The following PTPRR variants were observed in gnomAD, a reference collection of about 807,000 sequenced individuals.
The protein encoded by PTPRR is protein tyrosine phosphatase receptor type R.
Under a neutral mutation model 77.2 loss-of-function variants are expected in PTPRR, and 38 were observed. The ratio of observed to expected loss-of-function variants is 0.49; its 90% CI spans 0.38 to 0.65. The LOEUF (loss-of-function observed/expected upper bound fraction) is 0.65. PTPRR is among the 30% of genes least tolerant of loss of function. The pLI is 0.00. For synonymous variants in PTPRR, 299 were observed against 283.1 expected (o/e 1.06, Z -0.57); for missense variants, 744 against 799.2 (o/e 0.93, Z 0.83).
chr12:70,848,751 A>G (rs1381665942), intron 2 of PTPRR, among the ~76,000 whole-genome samples: 1 of 152,230 alleles, frequency 6.6e-6, no homozygotes. Context: ...ATCATTCACA[A>G]TTTAGATGAC....
chr12:70,899,820 GAC>G (rs1893500482), intron 1 of PTPRR, among the ~76,000 whole-genome samples: 1 of 151,348 alleles, frequency 6.6e-6, no homozygotes, highest in Non-Finnish European at 1.5e-5. Context: ...TCCTAGAACT[GAC>G]AGGTCAGTTT....
At chr12:70,830,628 A>G (rs1892195459) in intron 2 of PTPRR, among the ~76,000 whole-genome samples, 1 of 152,258 alleles carries the variant, frequency 6.6e-6, no homozygotes, top group Non-Finnish European at 1.5e-5. Flanking sequence ...ATTTTAAGCT[A>G]TAAAAGTGAT....
At chr12:70,764,807 A>G in intron 2 of PTPRR, 29 bp from the exon 3 acceptor site, 2 of 1,489,406 alleles carry the variant, frequency 1.3e-6, no homozygotes, top group Non-Finnish European at 1.9e-6. Flanking sequence ...AATAAATCCA[A>G]ATTATAGTAT....
intron 2 of PTPRR, among the ~76,000 whole-genome samples, chr12:70,812,920 T>C (rs1177456867): frequency 2.6e-5 from 4 of 152,214 alleles, no homozygotes; most frequent in Non-Finnish European, 4.4e-5. Flanking sequence ...CCCAGTTTAA[T>C]TGCTTGCTCA....
At chr12:70,773,265 T>C (rs1278010279) in intron 2 of PTPRR, among the ~76,000 whole-genome samples, 3 of 152,190 alleles carry the variant, frequency 2.0e-5, no homozygotes. Context: ...TCTTAGGTAC[T>C]GGAAGGCTAG....
Position 70,639,071 on chromosome 12 carries a change from G to C in PTPRR, c.*113C>G. 1.2e-6 allele frequency: 1 copy of C among 839,608 alleles called. No homozygotes were observed. The highest frequency in any genetic ancestry group is 1.6e-5 in the South Asian group (1 of 63,060). The allele number at this position is 839,608 out of a possible 1,614,324, so 52.0% of individuals were successfully genotyped here. A position where few individuals can be genotyped will look rare whatever the true frequency, so the allele number is the denominator to read the frequency against. On this transcript the variant is annotated 3_prime_UTR_variant, in exon 14 of 14. Transcript: ENST00000283228. ...GTCTTCCACAATCCATGCCATACATGGGCTTCAGAGCTTCTCCTTCCTTCC... is the reference window on the plus strand; with the variant it reads ...GTCTTCCACAATCCATGCCATACATCGGCTTCAGAGCTTCTCCTTCCTTCC...
At chr12:70,764,921 T>TG (rs1890779714) in intron 2 of PTPRR, 143 bp from the exon 3 acceptor site, 2 of 617,710 alleles carry the variant, frequency 3.2e-6, no homozygotes, top group African/African-American at 3.7e-5. Context: ...CTCTGCTAAG[T>TG]TTACACTAAT....
chr12:70,840,772 G>C (rs1465156928), intron 2 of PTPRR, among the ~76,000 whole-genome samples: 1 of 152,050 alleles, frequency 6.6e-6, no homozygotes, highest in Non-Finnish European at 1.5e-5. Context: ...TTATCTTTGT[G>C]TCTCCATTTG....
chr12:70,770,086 G>C (rs1890933376), intron 2 of PTPRR, among the ~76,000 whole-genome samples: 2 of 150,772 alleles, frequency 1.3e-5, no homozygotes, highest in African/African-American at 2.5e-5. Flanking sequence ...TACCATTCAG[G>C]ACATAGGCAT....
intron 6 of PTPRR, among the ~76,000 whole-genome samples, chr12:70,735,870 A>C (rs1002079824): frequency 6.6e-6 from 1 of 152,142 alleles, no homozygotes; most frequent in African/African-American, 2.4e-5. Context: ...TGTCCAACCC[A>C]TCAGCTGTGA....
chr12:70,869,031 T>G (rs1211741491), intron 2 of PTPRR, among the ~76,000 whole-genome samples: 2 of 91,442 alleles, frequency 2.2e-5, no homozygotes, highest in Non-Finnish European at 2.0e-5. Flanking sequence ...CTGGGGACTG[T>G]TGTGGGGTGG....
At chr12:70,701,589 G>T (rs547774374) in intron 6 of PTPRR, among the ~76,000 whole-genome samples, 4 of 152,178 alleles carry the variant, frequency 2.6e-5, no homozygotes, top group South Asian at 4.1e-4. Context: ...GAAATCATAG[G>T]TTGGCTAATA....
intron 8 of PTPRR, among the ~76,000 whole-genome samples, chr12:70,688,492 G>A (rs9645829): frequency 0.77 from 116,758 of 152,098 alleles, 45,854 homozygotes; most frequent in Non-Finnish European, 0.86. Context: ...TAAAACCACA[G>A]TATCACTTCA....
Position 70,795,913 on chromosome 12 carries a change from A to ATTTTTTTTTTTTT in PTPRR, c.358-31148_358-31136dup, listed in dbSNP as rs71437157. Reference sequence around the variant, plus strand: ...TATATGTTCAAAATGTATTTAGTAGATTTTTTTTTTTTTTTTTTTTTTTTT... The same window carrying ATTTTTTTTTTTTT: ...TATATGTTCAAAATGTATTTAGTAGATTTTTTTTTTTTTTTTTTTTTTTTTTTTTTTTTTTTTT... On this transcript the variant is annotated intron_variant, in intron 2 of 13. Transcript: ENST00000283228. Among the ~76,000 whole-genome samples the ATTTTTTTTTTTTT allele has an allele frequency of 3.5e-4, 31 of 88,390 alleles. 12 individuals carry two copies. The highest frequency in any genetic ancestry group is 7.8e-4 in the South Asian group (2 of 2,564). The allele number at this position is 88,390 out of a possible 152,430, so 58.0% of individuals were successfully genotyped here.
At chr12:70,680,682 G>C (rs1036786876) in intron 10 of PTPRR, among the ~76,000 whole-genome samples, 6 of 151,988 alleles carry the variant, frequency 3.9e-5, no homozygotes, top group African/African-American at 1.5e-4. Flanking sequence ...TGCCAGCTTG[G>C]GTTAGGGATT....
At chr12:70,685,201 C>G (rs536399794) in intron 8 of PTPRR, among the ~76,000 whole-genome samples, 15 of 152,254 alleles carry the variant, frequency 9.9e-5, no homozygotes, top group African/African-American at 3.6e-4. Context: ...TTTAGACCCT[C>G]AGGTCTGAAC....
chr12:70,920,714 C>T lies in PTPRR; in HGVS notation c.-324G>A, dbSNP rs1347841838. 4 of 316,468 alleles carry T rather than the reference C, an allele frequency of 1.3e-5. No individual in the cohort carries two copies. The highest frequency in any genetic ancestry group is 6.6e-5 in the East Asian group (1 of 15,060). 19.6% of individuals were successfully genotyped at this position (316,468 alleles called of 1,614,324 possible). A position where few individuals can be genotyped will look rare whatever the true frequency, so the allele number is the denominator to read the frequency against. ...ACTCCGCGCCAGCCCAGCAGCCCAG[C>T]AGCAGCGCCGCGGCTACTGAGCATG... On this transcript the variant is annotated 5_prime_UTR_variant, in exon 1 of 14. Coordinates refer to ENST00000283228, the MANE Select transcript of PTPRR (RefSeq NM_002849.4).
intron 1 of PTPRR, among the ~76,000 whole-genome samples, chr12:70,901,649 A>G (rs1367157347): frequency 6.6e-6 from 1 of 151,754 alleles, no homozygotes; most frequent in Non-Finnish European, 1.5e-5. Flanking sequence ...CTAAAACTCT[A>G]AAAATCCTAG....
At chr12:70,681,428 G>C (rs1457152037) in intron 10 of PTPRR, among the ~76,000 whole-genome samples, 1 of 152,228 alleles carries the variant, frequency 6.6e-6, no homozygotes, top group Non-Finnish European at 1.5e-5. Context: ...CAGCAACAAA[G>C]AGTGCAGATG....
Sources: gnomAD v4.1 joint callset for allele counts (sites outside exome capture counted in the v4.1 genomes callset) on GRCh38, gnomAD v4.1.1 for gene constraint, MANE v1.5 for transcripts, NCBI Gene and HGNC (gene_info 2026-07-23, HGNC 2026-07-21) for gene names.